Variants in RSAD1 observed in about 807,000 individuals in gnomAD.
RSAD1 encodes the protein radical S-adenosyl methionine domain containing 1.
Under a neutral mutation model 46.2 loss-of-function variants are expected in RSAD1, and 34 were observed. The observed-to-expected ratio is 0.74, with a 90% CI of 0.56 to 0.98. RSAD1 has a LOEUF of 0.98. Among genes scored for constraint, RSAD1 ranks in the 50% least tolerant of loss-of-function variants. The pLI is 0.00. For synonymous variants in RSAD1, 260 were observed against 253.5 expected, an observed-to-expected ratio of 1.03 and a Z score of -0.24; for missense variants, 635 against 592.3, an observed-to-expected ratio of 1.07 and a Z score of -0.75.
chr17:50,482,636 C>G lies in RSAD1; in HGVS notation c.841-7C>G, dbSNP rs1394078317. On this transcript the variant is annotated splice_polypyrimidine_tract_variant and splice_region_variant and intron_variant, in intron 4 of 8. Coordinates refer to ENST00000258955, the MANE Select transcript of RSAD1 (RefSeq NM_018346.3). ...TTCACTCTGCACTATTTCCTCCCTC[C>G]CCGCAGGGGGCGCTCAGTACCCACA... 1 of 1,614,142 alleles carries G rather than the reference C, an allele frequency of 6.2e-7. No individual in the cohort carries two copies. The highest frequency in any genetic ancestry group is 8.5e-7 in the Non-Finnish European group (1 of 1,180,004).
rs142190158 is a variant in RSAD1 at position 50,482,412 on chromosome 17, G to C, written c.796G>C (p.Glu266Gln). The C allele has an allele frequency of 4.8e-5, 76 of 1,589,458 alleles. No homozygotes were observed. Among genetic ancestry groups the C allele is most frequent in the Non-Finnish European group, 6.4e-5 (75 of 1,170,042 alleles). ...CCAGAGGGGCCGGGCTGTCCTTCGG[G>C]AGGCTGGCTTCCACCAGTATGAGGT... is the stretch of plus-strand genomic sequence containing the variant. ...MYQRGRAVLREAGFHQYEVSN... is the reference protein window; with the variant it reads ...MYQRGRAVLRQAGFHQYEVSN... The change falls in exon 4 of 9, where the codon GAG becomes CAG. Residue 266 changes from glutamate (E) to glutamine (Q), a missense_variant. Physicochemically the swap from Glu to Gln is conservative, Grantham distance 29. Coordinates refer to ENST00000258955, the MANE Select transcript of RSAD1 (RefSeq NM_018346.3).
chr17:50,479,365 G>A (rs1295255820), intron 1 of RSAD1: 2 of 510,810 alleles, frequency 3.9e-6, no homozygotes, highest in African/African-American at 2.0e-5. Context: ...TATGATCCCA[G>A]AAAGAGCTTG....
chr17:50,479,665 T>C lies in RSAD1; in HGVS notation c.172T>C (p.Phe58Leu). ...CGAGAAGCGCTGCAGTTACTGCAACTTCAACAAGTACATCCCTCGCCGCCT... is the reference window on the plus strand; with the variant it reads ...CGAGAAGCGCTGCAGTTACTGCAACCTCAACAAGTACATCCCTCGCCGCCT... The part of the protein sequence containing the change: ...YCEKRCSYCN[F>L]NKYIPRRLEE... The change falls in exon 2 of 9, where the codon TTC (phenylalanine) becomes CTC (leucine). Residue 58 changes from phenylalanine (F) to leucine (L), a missense_variant. By Grantham distance (22) the Phe-to-Leu change is conservative. Transcript: ENST00000258955. 6.2e-7 allele frequency: 1 copy of C among 1,613,950 alleles called. No individual in the cohort carries two copies. Among genetic ancestry groups the C allele is most frequent in the East Asian group, 2.2e-5 (1 of 44,880 alleles).
Position 50,482,237 on chromosome 17 carries a change from G to A in RSAD1, c.621G>A (p.Pro207=), listed in dbSNP as rs763490554. The change falls in exon 4 of 9, where the codon CCG becomes CCA. Residue 207 remains proline, a synonymous_variant. Transcript: ENST00000258955. ...MLGLPAQQVG[P]WLGQLQELLH... is the part of the protein sequence containing the mutation. ...GGCTGCCGGCACAGCAGGTGGGGCC[G>A]TGGCTTGGGCAGCTGCAGGAACTGC... The A allele has an allele frequency of 1.5e-5, 23 of 1,570,022 alleles. No individual in the cohort carries two copies. Among genetic ancestry groups the A allele is most frequent in the South Asian group, 1.4e-4 (12 of 85,624 alleles).
rs201633833 is a variant in RSAD1 at position 50,482,141 on chromosome 17, C to T, written c.525C>T (p.Cys175=). Residue 175 remains cysteine, a synonymous_variant, in exon 4 of 9, where the codon TGC becomes TGT. Transcript: ENST00000258955. ...LRLLGRTHSA[C]DALRTLAEAR... ...TGTTGGGACGGACGCACTCGGCCTGCGATGCTCTGCGGACGCTGGCAGAGG... is the reference window on the plus strand; with the variant it reads ...TGTTGGGACGGACGCACTCGGCCTGTGATGCTCTGCGGACGCTGGCAGAGG... 343 of 1,591,104 alleles carry T rather than the reference C, an allele frequency of 2.2e-4. No individual in the cohort carries two copies. Among genetic ancestry groups the T allele is most frequent in the Non-Finnish European group, 2.6e-4 (301 of 1,165,956 alleles).
In RSAD1 at chr17:50,478,976, C is replaced by G; in HGVS notation, c.92C>G (p.Pro31Arg). ...RRRVENAGGS[P>R]SPEPAGRRAA... ...CGCGTGGAGAACGCAGGAGGGTCCCCGAGTCCTGAGCCTGCGGGCCGGCGC... is the reference window on the plus strand; with the variant it reads ...CGCGTGGAGAACGCAGGAGGGTCCCGGAGTCCTGAGCCTGCGGGCCGGCGC... Residue 31 changes from proline to arginine, a missense_variant, in exon 1 of 9, where the codon CCG becomes CGG. Physicochemically the swap from Pro to Arg is moderately radical, Grantham distance 103 (BLOSUM62 -2). Coordinates refer to ENST00000258955, the MANE Select transcript of RSAD1 (RefSeq NM_018346.3). The G allele has an allele frequency of 7.1e-7, 1 of 1,401,692 alleles. No individual in the cohort carries two copies. The highest frequency in any genetic ancestry group is 9.2e-7 in the Non-Finnish European group (1 of 1,083,880). The allele number at this position is 1,401,692 out of a possible 1,614,324, so 86.8% of individuals were successfully genotyped here.
chr17:50,483,984 C>T, intron 7 of RSAD1: 1 of 533,500 alleles, frequency 1.9e-6, no homozygotes, highest in Non-Finnish European at 3.3e-6. Context: ...TTCCAGCCCT[C>T]ATTTTACTGC....
At chr17:50,484,275 G>A (rs1203065594) in intron 7 of RSAD1, 167 bp from the exon 8 acceptor site, 6 of 603,466 alleles carry the variant, frequency 9.9e-6, no homozygotes, top group Non-Finnish European at 1.7e-5. Flanking sequence ...TAGGAGTGAA[G>A]CTGCCCTCCT....
At chr17:50,484,076 A>G (rs1048573954) in intron 7 of RSAD1, 3 of 453,566 alleles carry the variant, frequency 6.6e-6, no homozygotes, top group Non-Finnish European at 1.2e-5. Context: ...AAGGGTTTCC[A>G]CTTGTTTTTA....
chr17:50,479,663 A>G lies in RSAD1; in HGVS notation c.170A>G (p.Asn57Ser). 3.1e-6 allele frequency: 5 copies of G among 1,613,968 alleles called. No homozygotes were observed. The highest frequency in any genetic ancestry group is 1.6e-4 in the Middle Eastern group (1 of 6,062). The stretch of plus-strand genomic sequence containing the variant: ...TGCGAGAAGCGCTGCAGTTACTGCA[A>G]CTTCAACAAGTACATCCCTCGCCGC... ...PYCEKRCSYC[N>S]FNKYIPRRLE... The change falls in exon 2 of 9, where the codon AAC becomes AGC. Residue 57 changes from asparagine to serine, a missense_variant. By Grantham distance (46) the Asn-to-Ser change is conservative. Coordinates refer to ENST00000258955, the MANE Select transcript of RSAD1 (RefSeq NM_018346.3).
At chr17:50,479,217 C>A in intron 1 of RSAD1, 198 bp downstream of exon 1, 1 of 556,460 alleles carries the variant, frequency 1.8e-6, no homozygotes, top group Non-Finnish European at 2.8e-6. Context: ...GTCTCTGCTA[C>A]TCACCGGCTC....
intron 1 of RSAD1, 117 bp from the exon 2 acceptor site, chr17:50,479,512 T>C: frequency 7.5e-7 from 1 of 1,331,584 alleles, no homozygotes; most frequent in Non-Finnish European, 1.0e-6. Context: ...TTAGATGTCC[T>C]AGCTACTGTG....
chr17:50,484,912 G>C lies in RSAD1; in HGVS notation c.*51G>C. The C allele has an allele frequency of 7.0e-7, 1 of 1,432,042 alleles. No homozygotes were observed. The allele number at this position is 1,432,042 out of a possible 1,614,324, so 88.7% of individuals were successfully genotyped here. A position where few individuals can be genotyped will look rare whatever the true frequency, so the allele number is the denominator to read the frequency against. ...AATGCCAGGTGGGTTTTGAGAGCTG[G>C]GTCGGTACTGCAGACATCTCTTCTC... On this transcript the variant is annotated 3_prime_UTR_variant, in exon 9 of 9. Transcript: ENST00000258955.
At chr17:50,479,534 G>A (rs1177836540) in intron 1 of RSAD1, 95 bp from the exon 2 acceptor site, 2 of 1,529,474 alleles carry the variant, frequency 1.3e-6, no homozygotes, top group African/African-American at 2.7e-5. Context: ...AAAGACCTCG[G>A]GATAGGGGTG....
chr17:50,482,614 A>T lies in RSAD1; in HGVS notation c.841-29A>T, dbSNP rs567719977. 5.6e-6 allele frequency: 9 copies of T among 1,613,764 alleles called. No individual in the cohort carries two copies. In the African/African-American group the frequency reaches 6.7e-5, roughly 12 times the overall value. ...TCTAAAAATGAGGCCTGCCCTCTTCACTCTGCACTATTTCCTCCCTCCCCG... is the reference window on the plus strand; with the variant it reads ...TCTAAAAATGAGGCCTGCCCTCTTCTCTCTGCACTATTTCCTCCCTCCCCG... On this transcript the variant is annotated intron_variant, in intron 4 of 8. Coordinates refer to ENST00000258955, the MANE Select transcript of RSAD1 (RefSeq NM_018346.3).
At chr17:50,479,223 G>A (rs899245667) in intron 1 of RSAD1, 3 of 541,484 alleles carry the variant, frequency 5.5e-6, no homozygotes, top group Non-Finnish European at 8.8e-6. Flanking sequence ...GCTACTCACC[G>A]GCTCGGTGAC....
chr17:50,479,626 C>T lies in RSAD1; in HGVS notation c.136-3C>T. On this transcript the variant is annotated splice_polypyrimidine_tract_variant and splice_region_variant and intron_variant, in intron 1 of 8. Transcript: ENST00000258955. Reference sequence around the variant, plus strand: ...ACCGCGCACGTGCACTCACTGCCCCCAGTGGCCTTACTGCGAGAAGCGCTG... The same window carrying T: ...ACCGCGCACGTGCACTCACTGCCCCTAGTGGCCTTACTGCGAGAAGCGCTG... 1.9e-6 allele frequency: 3 copies of T among 1,613,582 alleles called. No individual in the cohort carries two copies. Among genetic ancestry groups the T allele is most frequent in the Non-Finnish European group, 2.5e-6 (3 of 1,179,998 alleles).
Position 50,482,169 on chromosome 17 carries a change from C to T in RSAD1, c.553C>T (p.Arg185Trp), listed in dbSNP as rs888569753. The T allele has an allele frequency of 1.3e-5, 20 of 1,584,254 alleles. No homozygotes were observed. The highest frequency in any genetic ancestry group is 2.7e-5 in the African/African-American group (2 of 74,040). Residue 185 changes from arginine (R) to tryptophan (W), a missense_variant, in exon 4 of 9, where the codon CGG becomes TGG. By Grantham distance (101) the Arg-to-Trp change is moderately radical. Coordinates refer to ENST00000258955, the MANE Select transcript of RSAD1 (RefSeq NM_018346.3). ...TGCTCTGCGGACGCTGGCAGAGGCCCGGCGCCTCTTTCCCGGGCGCGTGTC... is the reference window on the plus strand; with the variant it reads ...TGCTCTGCGGACGCTGGCAGAGGCCTGGCGCCTCTTTCCCGGGCGCGTGTC... ...CDALRTLAEA[R>W]RLFPGRVSVD... is the part of the protein sequence containing the mutation.
chr17:50,479,567 C>G, intron 1 of RSAD1, 62 bp from the exon 2 acceptor site: 1 of 1,603,860 alleles, frequency 6.2e-7, no homozygotes, highest in East Asian at 2.2e-5. Context: ...GGGGTGTGTG[C>G]GACTGAACCC....
Sources: gnomAD v4.1 joint callset for allele counts on GRCh38, gnomAD v4.1.1 for gene constraint, MANE v1.5 for transcripts, NCBI Gene and HGNC (gene_info 2026-07-23, HGNC 2026-07-21) for gene names.